Variants in SLC25A48 observed in about 807,000 individuals in gnomAD.
SLC25A48 encodes CTC-321K16.1.
In SLC25A48, 29 loss-of-function variants were observed where a neutral mutation model predicts 32.2. The observed-to-expected ratio is 0.90, with a 90% CI of 0.67 to 1.23. SLC25A48 has a LOEUF of 1.23. Among genes scored for constraint, SLC25A48 ranks in the 50% most tolerant of loss-of-function variants. The pLI, the probability that SLC25A48 is intolerant of heterozygous loss-of-function variation, is 0.00. For synonymous variants in SLC25A48, 164 were observed against 172.3 expected (o/e 0.95, Z 0.38); for missense variants, 399 against 422.7 (o/e 0.94, Z 0.49).
chr5:135,870,148 C>T (rs996600772), intron 4 of SLC25A48, among the ~76,000 whole-genome samples: 1 of 152,210 alleles, frequency 6.6e-6, no homozygotes, highest in Admixed American at 6.5e-5. Flanking sequence ...AGCTGTCTGC[C>T]TGTTTACCAG....
chr5:135,732,902 A>T (rs542767752), intron 3 of SLC25A48, among the ~76,000 whole-genome samples: 2 of 152,288 alleles, frequency 1.3e-5, no homozygotes, highest in African/African-American at 4.8e-5. Context: ...GTCTTGAGCG[A>T]TGGGATCTGA....
chr5:135,797,373 C>A (rs915693299), intron 3 of SLC25A48, among the ~76,000 whole-genome samples: 1 of 151,824 alleles, frequency 6.6e-6, no homozygotes, highest in Admixed American at 6.6e-5. Context: ...TTTCTAATAT[C>A]GTGAGGGAGA....
chr5:135,646,241 G>A (rs957800712), intron 3 of SLC25A48, among the ~76,000 whole-genome samples: 1 of 139,186 alleles, frequency 7.2e-6, no homozygotes, highest in South Asian at 2.4e-4. Flanking sequence ...CGCTGCACAC[G>A]GAGGAAGAGC....
rs11959233 is a variant in SLC25A48, at chr5:135,809,732, C to T, written c.-520-2791C>T. On this transcript the variant is annotated intron_variant, in intron 3 of 10. Transcript: ENST00000646290. ...AGAATGTCATATAAATGGACCAATA[C>T]ACAATATCATCTTTTGAGCCTAGCT... 8.7e-3 allele frequency among the ~76,000 whole-genome samples: 1,330 copies of T among 152,326 alleles called. 12 individuals are homozygous for T. Among genetic ancestry groups the T allele is most frequent in the Non-Finnish European group, 0.013 (885 of 68,036 alleles).
intron 3 of SLC25A48, among the ~76,000 whole-genome samples, chr5:135,774,057 C>T (rs895430794): frequency 1.3e-5 from 2 of 151,442 alleles, no homozygotes; most frequent in Non-Finnish European, 3.0e-5. Flanking sequence ...AGGGGGTATA[C>T]ACTCTCCCAT....
At chr5:135,595,415 C>T (rs1043094319) in intron 1 of SLC25A48, among the ~76,000 whole-genome samples, 2 of 152,162 alleles carry the variant, frequency 1.3e-5, no homozygotes, top group Non-Finnish European at 2.9e-5. Flanking sequence ...GGACAGGCAC[C>T]GCCAACCAGG....
intron 3 of SLC25A48, among the ~76,000 whole-genome samples, chr5:135,656,980 C>A (rs978591716): frequency 6.6e-6 from 1 of 152,120 alleles, no homozygotes; most frequent in African/African-American, 2.4e-5. Context: ...TATGGCAGCC[C>A]TAGGAAACAA....
chr5:135,777,304 G>A (rs1410867950), intron 3 of SLC25A48, among the ~76,000 whole-genome samples: 1 of 151,662 alleles, frequency 6.6e-6, no homozygotes, highest in Non-Finnish European at 1.5e-5. Flanking sequence ...ATCGTAAAGG[G>A]TTTACAGCCC....
chr5:135,630,563 A>G (rs1288835264), intron 2 of SLC25A48, among the ~76,000 whole-genome samples: 4 of 135,394 alleles, frequency 3.0e-5, no homozygotes, highest in Non-Finnish European at 6.2e-5. Flanking sequence ...AGATGAAAGC[A>G]GGGGAAGATG....
intron 3 of SLC25A48, among the ~76,000 whole-genome samples, chr5:135,702,283 A>G (rs191481107): frequency 6.6e-6 from 1 of 152,364 alleles, no homozygotes; most frequent in Non-Finnish European, 1.5e-5. Flanking sequence ...AGACGAGGTC[A>G]TGCTGGGTTA....
chr5:135,640,855 T>A (rs994085817), intron 3 of SLC25A48, among the ~76,000 whole-genome samples: 8 of 152,188 alleles, frequency 5.3e-5, no homozygotes, highest in African/African-American at 1.2e-4. Context: ...CTCAATTTGA[T>A]AAAAGGCATC....
At chr5:135,587,422 G>C (rs1053685795) in intron 1 of SLC25A48, among the ~76,000 whole-genome samples, 56 of 152,222 alleles carry the variant, frequency 3.7e-4, no homozygotes, top group African/African-American at 1.4e-3. Context: ...AATGTTCTCA[G>C]TCTCGTTTGC....
chr5:135,856,804 T>G (rs1760359305), intron 4 of SLC25A48, among the ~76,000 whole-genome samples: 1 of 152,256 alleles, frequency 6.6e-6, no homozygotes, highest in Non-Finnish European at 1.5e-5. Context: ...TGTAGAGGAA[T>G]GAAGGCTGTC....
chr5:135,784,898 C>CA (rs1228845334), intron 3 of SLC25A48, among the ~76,000 whole-genome samples: 2 of 118,348 alleles, frequency 1.7e-5, no homozygotes, highest in Non-Finnish European at 4.2e-5. Flanking sequence ...ATATTACAAG[C>CA]AATATTACAA....
chr5:135,770,055 A>G (rs1443430244), intron 3 of SLC25A48, among the ~76,000 whole-genome samples: 1 of 149,296 alleles, frequency 6.7e-6, no homozygotes, highest in African/African-American at 2.4e-5. Context: ...GGAGTGTACA[A>G]ACCCCCCACG....
intron 7 of SLC25A48, among the ~76,000 whole-genome samples, chr5:135,885,037 C>G (rs1762666690): frequency 6.6e-6 from 1 of 152,182 alleles, no homozygotes; most frequent in African/African-American, 2.4e-5. Flanking sequence ...ATTTGATAAT[C>G]TTCCTGAGGC....
At chr5:135,739,484 C>T (rs966648117) in intron 3 of SLC25A48, among the ~76,000 whole-genome samples, 3 of 152,184 alleles carry the variant, frequency 2.0e-5, no homozygotes, top group African/African-American at 7.2e-5. Flanking sequence ...TCTAATTCTT[C>T]TCTCTCTTGA....
chr5:135,651,218 A>C (rs1356827922), intron 3 of SLC25A48, among the ~76,000 whole-genome samples: 1 of 152,168 alleles, frequency 6.6e-6, no homozygotes, highest in East Asian at 1.9e-4. Context: ...AGGCTCATGC[A>C]GTGAACTCCT....
chr5:135,721,695 G>A (rs1754959995), intron 3 of SLC25A48, among the ~76,000 whole-genome samples: 1 of 122,560 alleles, frequency 8.2e-6, no homozygotes, highest in South Asian at 2.8e-4. Context: ...GGGCTAGAGG[G>A]GGACAGTTCC....
Sources: allele counts gnomAD v4.1 joint callset (sites outside exome capture counted in the v4.1 genomes callset), GRCh38; gene constraint gnomAD v4.1.1; transcripts MANE v1.5; gene names NCBI Gene and HGNC (gene_info 2026-07-23, HGNC 2026-07-21).